Variants in BTD observed in about 807,000 individuals in gnomAD.
The protein encoded by BTD is biotinidase.
Under a neutral mutation model 17.7 loss-of-function variants are expected in BTD, and 13 were observed. That is an observed-to-expected ratio of 0.74 (90% CI 0.48 to 1.17). The LOEUF (loss-of-function observed/expected upper bound fraction) is 1.17. Among genes scored for constraint, BTD ranks in the 50% most tolerant of loss-of-function variants. The pLI, the probability that BTD is intolerant of heterozygous loss-of-function variation, is 0.00. For missense variants in BTD, 674 were observed against 650.4 expected (o/e 1.04, Z -0.39); for synonymous variants, 240 against 245.2 (o/e 0.98, Z 0.20).
At chr3:15,629,884 A>G (rs539284009) in intron 1 of BTD, 1 of 249,862 alleles carries the variant, frequency 4.0e-6, no homozygotes, top group East Asian at 1.8e-4. Flanking sequence ...AATTTTTACC[A>G]TCTGCTTTCT....
intron 3 of BTD, chr3:15,684,329 T>C (rs2067868278): frequency 6.6e-6 from 1 of 152,236 alleles, no homozygotes; most frequent in Non-Finnish European, 1.5e-5. Flanking sequence ...ATAAAAGCGA[T>C]GACTGTGACT....
Position 15,645,588 on chromosome 3 carries a change from C to T in BTD, c.*100C>T. On this transcript the variant is annotated 3_prime_UTR_variant, in exon 4 of 4. Transcript: ENST00000643237. ...TGGGACCATCTTTCTGCCTTAAGGG[C>T]AGGAGCCCACTTCTGTGGCACCAGA... The T allele has an allele frequency of 7.2e-7, 1 of 1,387,302 alleles. No individual in the cohort carries two copies. The highest frequency in any genetic ancestry group is 9.9e-7 in the Non-Finnish European group (1 of 1,013,666). The allele number at this position is 1,387,302 out of a possible 1,614,324, so 85.9% of individuals were successfully genotyped here. A position where few individuals can be genotyped will look rare whatever the true frequency, so the allele number is the denominator to read the frequency against.
chr3:15,634,929 T>G (rs1434557294), intron 1 of BTD, among the ~76,000 whole-genome samples: 1 of 152,230 alleles, frequency 6.6e-6, no homozygotes, highest in East Asian at 1.9e-4. Context: ...GGGAGAATTG[T>G]AATTCATTAG....
chr3:15,678,596 A>G (rs1373053276), intron 3 of BTD, among the ~76,000 whole-genome samples: 4 of 152,196 alleles, frequency 2.6e-5, no homozygotes, highest in Non-Finnish European at 5.9e-5. Context: ...GATTAATTAC[A>G]AAATTGCTAA....
chr3:15,706,291 C>T (rs1295479130), intron 3 of BTD, among the ~76,000 whole-genome samples: 3 of 151,824 alleles, frequency 2.0e-5, no homozygotes, highest in Admixed American at 6.6e-5. Flanking sequence ...CTTCCTGTGT[C>T]CAAGTGTTCT....
Position 15,648,302 on chromosome 3 carries a change from C to A in BTD, c.*2814C>A, listed in dbSNP as rs2065740295. On this transcript the variant is annotated 3_prime_UTR_variant, in exon 4 of 4. Transcript: ENST00000643237. ...GCATAAAAGTATGAAATGTTTTGTG[C>A]ACAAAGGCCTAGATTTGAGACAAGA... Among the ~76,000 whole-genome samples, 1 of 152,104 alleles carries A rather than the reference C, an allele frequency of 6.6e-6. No homozygotes were observed. The highest frequency in any genetic ancestry group is 2.4e-5 in the African/African-American group (1 of 41,418).
chr3:15,653,822 A>G (rs532189584), downstream of BTD, among the ~76,000 whole-genome samples: 2 of 152,382 alleles, frequency 1.3e-5, no homozygotes, highest in South Asian at 4.1e-4. Context: ...TGTGAAAGTT[A>G]AGCATTAGTT....
intron 1 of BTD, among the ~76,000 whole-genome samples, chr3:15,607,435 C>A (rs1188131911): frequency 6.6e-6 from 1 of 152,164 alleles, no homozygotes; most frequent in Non-Finnish European, 1.5e-5. Flanking sequence ...ATCCAGGCAA[C>A]CAGGTAATTT....
intron 1 of BTD, among the ~76,000 whole-genome samples, chr3:15,627,152 A>C (rs571439522): frequency 6.6e-6 from 1 of 152,322 alleles, no homozygotes; most frequent in Admixed American, 6.5e-5. Context: ...AACACCCCTG[A>C]GCAGCCACGG....
At chr3:15,666,570 G>A (rs1028202013) in intron 3 of BTD, among the ~76,000 whole-genome samples, 3 of 152,222 alleles carry the variant, frequency 2.0e-5, no homozygotes, top group South Asian at 2.1e-4. Flanking sequence ...AGACCACTTT[G>A]AGAAAGGTTA....
exon 4 of BTD, among the ~76,000 whole-genome samples, chr3:15,711,692 ATTTTTT>A (rs879312791): frequency 2.1e-5 from 3 of 145,002 alleles, no homozygotes; most frequent in Non-Finnish European, 3.1e-5. Context: ...GGTTTTCTGT[ATTTTTT>A]TTTTTTGAGA....
chr3:15,601,685 G>C, upstream of BTD: 3 of 1,555,996 alleles, frequency 1.9e-6, no homozygotes, highest in Non-Finnish European at 1.7e-6. Context: ...AATCAGAACT[G>C]CGCTCTCTTC....
chr3:15,691,628 C>T lies in BTD; in HGVS notation c.400-18432C>T, dbSNP rs1032968705. 2.2e-4 allele frequency among the ~76,000 whole-genome samples: 34 copies of T among 152,258 alleles called. 5 individuals carry two copies. The highest frequency in any genetic ancestry group is 9.8e-4 in the Admixed American group (15 of 15,296). ...CAGCAAGAGATAAACTTGCTCTGGG[C>T]CTCACTGATCTCTTTATAATGAATC... On this transcript the variant is annotated intron_variant, in intron 3 of 3. Coordinates refer to the BTD transcript ENST00000672141.
At chr3:15,636,995 G>C (rs2065366747) in intron 2 of BTD, among the ~76,000 whole-genome samples, 1 of 152,090 alleles carries the variant, frequency 6.6e-6, no homozygotes, top group African/African-American at 2.4e-5. Flanking sequence ...GGGAACTTCT[G>C]AACAGGTCTT....
At position 15,603,148 on chromosome 3, in the gene BTD, G is replaced by A. The variant is rs147756762; in HGVS notation, c.-17+1254G>A. 7.4e-3 allele frequency among the ~76,000 whole-genome samples: 1,123 copies of A among 152,310 alleles called. 12 individuals are homozygous for A. Among genetic ancestry groups the A allele is most frequent in the African/African-American group, 0.026 (1,070 of 41,558 alleles). ...CTCACCACATGTGGGGATTATGGGA[G>A]CTATAATTCAAGATGAGATTTGGAT... On this transcript the variant is annotated intron_variant, in intron 1 of 3. Transcript: ENST00000643237.
intron 3 of BTD, chr3:15,708,117 AAAC>A: frequency 6.5e-7 from 1 of 1,541,938 alleles, no homozygotes; most frequent in Non-Finnish European, 8.8e-7. Flanking sequence ...CATAACTAGT[AAAC>A]AAAAGCATAG....
At chr3:15,620,465 C>G (rs2064918980) in intron 1 of BTD, among the ~76,000 whole-genome samples, 2 of 152,204 alleles carry the variant, frequency 1.3e-5, no homozygotes, top group African/African-American at 4.8e-5. Context: ...AGCCCAACCC[C>G]ACAGGCAGTC....
intron 3 of BTD, chr3:15,668,351 CTTGA>C (rs887813534): frequency 7.3e-5 from 11 of 150,268 alleles, no homozygotes; most frequent in African/African-American, 2.2e-4. Context: ...TTAGAATCTG[CTTGA>C]TTTTTTTTTT....
downstream of BTD, among the ~76,000 whole-genome samples, chr3:15,713,188 TA>T (rs913813844): frequency 6.6e-6 from 1 of 151,766 alleles, no homozygotes; most frequent in African/African-American, 2.4e-5. Flanking sequence ...GTATTTGGAT[TA>T]AAAAAAAGCA....
Sources: allele counts gnomAD v4.1 joint callset (sites outside exome capture counted in the v4.1 genomes callset), GRCh38; gene constraint gnomAD v4.1.1; transcripts MANE v1.5; gene names NCBI Gene and HGNC (gene_info 2026-07-23, HGNC 2026-07-21).